FUS: variants seen among roughly 807,000 people sequenced by gnomAD.
The protein encoded by FUS is RNA-binding protein FUS.
FUS carries 5 observed loss-of-function variants against 82.7 expected under a neutral mutation model. The ratio of observed to expected loss-of-function variants is 0.06; its 90% CI spans 0.03 to 0.13. The LOEUF (loss-of-function observed/expected upper bound fraction) is 0.13. Among genes scored for constraint, FUS ranks in the 10% least tolerant of loss-of-function variants. FUS has a pLI of 1.00. For synonymous variants in FUS, 281 were observed against 247.4 expected, an observed-to-expected ratio of 1.14 and a Z score of -1.27; for missense variants, 512 against 707.8, an observed-to-expected ratio of 0.72 and a Z score of 3.14.
intron 12 of FUS, 41 bp downstream of exon 12, chr16:31,190,439 G>A (rs2079337381): frequency 1.9e-6 from 3 of 1,613,418 alleles, no homozygotes; most frequent in South Asian, 1.1e-5. Flanking sequence ...TCTTGCATGC[G>A]TGCTCTTTGA....
downstream of FUS, chr16:31,192,294 GA>G: frequency 1.9e-6 from 1 of 527,186 alleles, no homozygotes; most frequent in South Asian, 1.5e-5. Flanking sequence ...TAAGTGATAA[GA>G]GGGGGAAGGG....
chr16:31,183,077 A>T (rs1376569656), intron 3 of FUS: 9 of 287,116 alleles, frequency 3.1e-5, no homozygotes, highest in Non-Finnish European at 6.1e-5. Context: ...TCCGTGAAAC[A>T]GTGTATAAGT....
chr16:31,194,042 T>C (rs1256215178), downstream of FUS: 3 of 533,910 alleles, frequency 5.6e-6, no homozygotes, highest in Non-Finnish European at 1.1e-5. Flanking sequence ...AAGTAGGAAG[T>C]GAGGAGGGTG....
chr16:31,181,911 G>T (rs2079185016), intron 1 of FUS, among the ~76,000 whole-genome samples: 1 of 152,088 alleles, frequency 6.6e-6, no homozygotes, highest in Non-Finnish European at 1.5e-5. Flanking sequence ...TTTCTTTATT[G>T]TAAGAACACT....
In FUS at chr16:31,188,338, A is replaced by C. The variant is rs199745766; in HGVS notation, c.813A>C (p.Gln271His). 6.2e-7 allele frequency: 1 copy of C among 1,613,720 alleles called. No individual in the cohort carries two copies. Among genetic ancestry groups the C allele is most frequent in the East Asian group, 2.2e-5 (1 of 44,872 alleles). ...ATGTCACTAAAGGCCCTCGGGACCA[A>C]GGATCACGTCATGACTCCGGTGAGT... ...GFNKFGGPRD[Q>H]GSRHDSEQDN... is the part of the protein sequence containing the mutation. Residue 271 changes from glutamine (Q) to histidine (H), a missense_variant, in exon 8 of 15, where the codon CAA (glutamine) becomes CAC (histidine). Around this residue, in one of 6 missense-constraint regions of FUS, gnomAD observed 51 missense variants for 72.2 expected, o/e 0.71. Coordinates refer to ENST00000254108, the MANE Select transcript of FUS (RefSeq NM_004960.4).
At chr16:31,188,904 T>C in intron 8 of FUS, 1 of 589,998 alleles carries the variant, frequency 1.7e-6, no homozygotes, top group South Asian at 2.0e-5. Flanking sequence ...TACTGTATAC[T>C]GGGTGTTAAC....
chr16:31,184,802 C>A, intron 5 of FUS, 137 bp from the exon 6 acceptor site: 1 of 903,130 alleles, frequency 1.1e-6, no homozygotes, highest in South Asian at 1.5e-5. Flanking sequence ...AAGAGGGTTC[C>A]TGTCTTGTTT....
intron 1 of FUS, 39 bp from the exon 2 acceptor site, chr16:31,182,359 G>A (rs2079191718): frequency 1.2e-6 from 2 of 1,611,322 alleles, no homozygotes; most frequent in African/African-American, 1.3e-5. Flanking sequence ...CTTTCAGAGT[G>A]GCAGCTGAAG....
intron 14 of FUS, 68 bp downstream of exon 14, chr16:31,191,178 T>A (rs1394820349): frequency 5.7e-6 from 9 of 1,588,538 alleles, no homozygotes; most frequent in Non-Finnish European, 7.7e-6. Context: ...CAGGGTTTTG[T>A]TGAGAAAGTG....
intron 3 of FUS, chr16:31,183,571 A>G (rs897318894): frequency 8.8e-6 from 4 of 452,878 alleles, no homozygotes; most frequent in African/African-American, 6.0e-5. Context: ...TGCATATTAC[A>G]GTGCTGTTAA....
intron 7 of FUS, chr16:31,187,757 TC>T: frequency 4.2e-6 from 1 of 237,930 alleles, no homozygotes; most frequent in Non-Finnish European, 8.3e-6. Context: ...TCTGGTCTGT[TC>T]CCTGGGACAT....
downstream of FUS, chr16:31,193,778 G>A (rs1237805507): frequency 3.8e-6 from 2 of 527,832 alleles, no homozygotes; most frequent in East Asian, 8.0e-5. Flanking sequence ...GACTACAGGT[G>A]CTTCCTCGCT....
intron 3 of FUS, 106 bp from the exon 4 acceptor site, chr16:31,183,752 T>A: frequency 2.8e-6 from 4 of 1,404,096 alleles, no homozygotes; most frequent in Non-Finnish European, 3.0e-6. Context: ...TAACAGCTTC[T>A]GAGAGGCTGG....
intron 2 of FUS, 34 bp downstream of exon 2, chr16:31,182,456 G>GA (rs769065033): frequency 1.3e-5 from 21 of 1,614,066 alleles, no homozygotes; most frequent in Non-Finnish European, 1.5e-5. Flanking sequence ...AGAGTTTGTA[G>GA]AGGGCAAGGG....
chr16:31,190,486 A>T, intron 12 of FUS, 88 bp downstream of exon 12: 1 of 1,589,902 alleles, frequency 6.3e-7, no homozygotes, highest in Admixed American at 1.7e-5. Flanking sequence ...TTTTCCAAAG[A>T]AGTAAATGTC....
rs1341592078 is a variant in FUS at position 31,188,197 on chromosome 16, T to C, written c.800-128T>C. ...GGTTTGGAGTGAGGCTGTGAGCACT[T>C]ACTTGATATTTTACAAGTTTGGATT... is the stretch of plus-strand genomic sequence containing the variant. On this transcript the variant is annotated intron_variant, in intron 7 of 14. Coordinates refer to ENST00000254108, the MANE Select transcript of FUS (RefSeq NM_004960.4). The C allele has an allele frequency of 5.1e-6, 5 of 989,098 alleles. No individual in the cohort carries two copies. In the East Asian group the frequency reaches 7.5e-5, roughly 15 times the overall value. 61.3% of individuals were successfully genotyped at this position (989,098 alleles called of 1,614,324 possible).
Position 31,191,555 on chromosome 16 carries a change from T to A in FUS, c.*117T>A. On this transcript the variant is annotated 3_prime_UTR_variant, in exon 15 of 15. Transcript: ENST00000254108. ...AAGGGTTTTTTTGTGTCGGACTATG[T>A]AATTGTAACTATACCTCTGGTTCCC... 9.4e-7 allele frequency: 1 copy of A among 1,064,838 alleles called. No individual in the cohort carries two copies. Among genetic ancestry groups the A allele is most frequent in the Non-Finnish European group, 1.4e-6 (1 of 692,610 alleles). 66.0% of individuals were successfully genotyped at this position (1,064,838 alleles called of 1,614,324 possible).
intron 1 of FUS, among the ~76,000 whole-genome samples, chr16:31,180,682 C>T (rs965559093): frequency 6.6e-6 from 1 of 152,180 alleles, no homozygotes; most frequent in Non-Finnish European, 1.5e-5. Flanking sequence ...GTTCAGCTTT[C>T]TGTCGCGAGA....
intron 6 of FUS, chr16:31,186,491 AG>A: frequency 2.1e-6 from 1 of 477,976 alleles, no homozygotes. Flanking sequence ...TTGCGACAAG[AG>A]GAAAAAAAAA....
Sources: allele counts gnomAD v4.1 joint callset (sites outside exome capture counted in the v4.1 genomes callset), GRCh38; gene constraint gnomAD v4.1.1; regional missense constraint gnomAD v4.1.1; transcripts MANE v1.5; gene names NCBI Gene and HGNC (gene_info 2026-07-23, HGNC 2026-07-21).